CYP1A2: variants seen among roughly 807,000 people sequenced by gnomAD.
CYP1A2 encodes cytochrome P450 family 1 subfamily A member 2.
A neutral mutation model predicts 34.7 loss-of-function variants in CYP1A2; 35 were observed. That is an observed-to-expected ratio of 1.01 (90% CI 0.77 to 1.34). The LOEUF (loss-of-function observed/expected upper bound fraction) is 1.34, where lower values mean the gene tolerates loss of function less well. Ranked by LOEUF, CYP1A2 falls within the 40% of genes most tolerant of loss-of-function variation. The pLI is 0.00. For synonymous variants in CYP1A2, 288 were observed against 281.9 expected, an observed-to-expected ratio of 1.02 and a Z score of -0.22; for missense variants, 675 against 675.8, an observed-to-expected ratio of 1.00 and a Z score of 0.01.
Position 74,749,928 on chromosome 15 carries a change from G to C in CYP1A2, c.190G>C (p.Ala64Pro). 6.2e-7 allele frequency: 1 copy of C among 1,611,372 alleles called. No homozygotes were observed. The highest frequency in any genetic ancestry group is 8.5e-7 in the Non-Finnish European group (1 of 1,177,838). The change falls in exon 2 of 7, where the codon GCA becomes CCA. Residue 64 changes from alanine to proline, a missense_variant. By Grantham distance (27) the Ala-to-Pro change is conservative (BLOSUM62 -1). Coordinates refer to ENST00000343932, the MANE Select transcript of CYP1A2 (RefSeq NM_000761.5). ...GACCCTGGGGAAGAACCCGCACCTG[G>C]CACTGTCAAGGATGAGCCAGCGCTA... ...VLTLGKNPHL[A>P]LSRMSQRYGD...
chr15:74,751,320 G>C lies in CYP1A2; in HGVS notation c.952+11G>C, dbSNP rs1567205782. 2 of 1,613,776 alleles carry C rather than the reference G, an allele frequency of 1.2e-6. No homozygotes were observed. Among genetic ancestry groups the C allele is most frequent in the Non-Finnish European group, 8.5e-7 (1 of 1,179,850 alleles). On this transcript the variant is annotated intron_variant, in intron 3 of 6. Transcript: ENST00000343932. ...ACATCTTTGGAGCAGGTAGGAACCA[G>C]AACCTTGCCCCTCCATCCAACAATG...
chr15:74,751,799 C>G lies in CYP1A2; in HGVS notation c.987C>G (p.Ser329Arg). The G allele has an allele frequency of 1.2e-6, 2 of 1,614,178 alleles. No homozygotes were observed. The highest frequency in any genetic ancestry group is 1.7e-6 in the Non-Finnish European group (2 of 1,180,010). ...CAGTCACCACAGCCATCTCCTGGAG[C>G]CTCATGTACCTTGTGACCAAGCCTG... Reference protein sequence around the residue: ...FDTVTTAISWSLMYLVTKPEI... With the variant: ...FDTVTTAISWRLMYLVTKPEI... The change falls in exon 4 of 7, where the codon AGC becomes AGG. Residue 329 changes from serine (S) to arginine (R), a missense_variant. Coordinates refer to ENST00000343932, the MANE Select transcript of CYP1A2 (RefSeq NM_000761.5).
In CYP1A2 at chr15:74,749,755, C is replaced by A. The variant is rs764359866; in HGVS notation, c.17C>A (p.Ser6Tyr). 1.3e-6 allele frequency: 2 copies of A among 1,539,698 alleles called. No homozygotes were observed. The highest frequency in any genetic ancestry group is 1.8e-6 in the Non-Finnish European group (2 of 1,140,672). MALSQ[S>Y]VPFSATELLL... ...TTGGTACAGATGGCATTGTCCCAGTCTGTTCCCTTCTCGGCCACAGAGCTT... is the reference window on the plus strand; with the variant it reads ...TTGGTACAGATGGCATTGTCCCAGTATGTTCCCTTCTCGGCCACAGAGCTT... The change falls in exon 2 of 7, where the codon TCT becomes TAT. Residue 6 changes from serine to tyrosine, a missense_variant. By Grantham distance (144) the Ser-to-Tyr change is moderately radical. Transcript: ENST00000343932.
In CYP1A2 at chr15:74,751,817, C is replaced by T. The variant is rs1342113489; in HGVS notation, c.1005C>T (p.Thr335=). 6.2e-7 allele frequency: 1 copy of T among 1,614,078 alleles called. No individual in the cohort carries two copies. Among genetic ancestry groups the T allele is most frequent in the Non-Finnish European group, 8.5e-7 (1 of 1,180,022 alleles). Residue 335 remains threonine (T), a synonymous_variant, in exon 4 of 7, where the codon ACC becomes ACT. Coordinates refer to ENST00000343932, the MANE Select transcript of CYP1A2 (RefSeq NM_000761.5). ...CCTGGAGCCTCATGTACCTTGTGACCAAGCCTGAGATACAGAGGAAGATCC... is the reference window on the plus strand; with the variant it reads ...CCTGGAGCCTCATGTACCTTGTGACTAAGCCTGAGATACAGAGGAAGATCC... ...AISWSLMYLV[T]KPEIQRKIQK...
chr15:74,755,155 T>C lies in CYP1A2; in HGVS notation c.*67T>C, dbSNP rs2063332758. On this transcript the variant is annotated 3_prime_UTR_variant, in exon 7 of 7. Coordinates refer to ENST00000343932, the MANE Select transcript of CYP1A2 (RefSeq NM_000761.5). ...CAGCCACGGGGACTCAGCCCTTGTTTCTCTTCCTTTCTTTTTTTAAAAAAT... is the reference window on the plus strand; with the variant it reads ...CAGCCACGGGGACTCAGCCCTTGTTCCTCTTCCTTTCTTTTTTTAAAAAAT... The C allele has an allele frequency of 6.6e-7, 1 of 1,517,750 alleles. No homozygotes were observed. The highest frequency in any genetic ancestry group is 1.4e-5 in the African/African-American group (1 of 72,424). 94.0% of individuals were successfully genotyped at this position (1,517,750 alleles called of 1,614,324 possible).
At chr15:74,751,409 C>A (rs2063315142) in intron 3 of CYP1A2, 100 bp downstream of exon 3, 3 of 1,501,412 alleles carry the variant, frequency 2.0e-6, no homozygotes, top group African/African-American at 1.4e-5. Flanking sequence ...CAACCCTACA[C>A]CAGATGGTAC....
chr15:74,748,975 G>A (rs942524888), intron 1 of CYP1A2, 78 bp downstream of exon 1: 3 of 152,252 alleles, frequency 2.0e-5, no homozygotes, highest in Non-Finnish European at 4.4e-5. Flanking sequence ...ACAGAAAGAC[G>A]GGGAGCCTGG....
intron 2 of CYP1A2, 149 bp downstream of exon 2, chr15:74,750,718 G>T (rs966814318): frequency 3.0e-6 from 2 of 665,276 alleles, no homozygotes; most frequent in Admixed American, 2.9e-5. Context: ...ACCTGGAGCC[G>T]ACTCTTCCCC....
rs79624223 is a variant in CYP1A2 at position 74,755,133 on chromosome 15, C to G, written c.*45C>G. 2.5e-6 allele frequency: 4 copies of G among 1,572,876 alleles called. No individual in the cohort carries two copies. The East Asian group carries it at 6.8e-5, about 27-fold the overall frequency. On this transcript the variant is annotated 3_prime_UTR_variant, in exon 7 of 7. Coordinates refer to ENST00000343932, the MANE Select transcript of CYP1A2 (RefSeq NM_000761.5). ...AGGCCAGGGAGCGAGTGGGGGCCAG[C>G]CACGGGGACTCAGCCCTTGTTTCTC...
chr15:74,751,680 G>A, intron 3 of CYP1A2, 85 bp from the exon 4 acceptor site: 1 of 1,339,492 alleles, frequency 7.5e-7, no homozygotes, highest in Non-Finnish European at 1.1e-6. Flanking sequence ...GCTAATGCTG[G>A]ATACATACAT....
In CYP1A2 at chr15:74,755,004, C is replaced by T. The variant is rs1366279463; in HGVS notation, c.1467C>T (p.Val489=). The T allele has an allele frequency of 9.9e-6, 16 of 1,614,094 alleles. No homozygotes were observed. The highest frequency in any genetic ancestry group is 4.0e-5 in the African/African-American group (3 of 74,940). ...TCAGCGTGCCGCCGGGCGTGAAAGT[C>T]GACCTGACCCCCATCTACGGGCTGA... ...LEFSVPPGVK[V]DLTPIYGLTM... The change falls in exon 7 of 7, where the codon GTC becomes GTT. Residue 489 remains valine, a synonymous_variant. Transcript: ENST00000343932.
At chr15:74,751,054 C>T in intron 2 of CYP1A2, 135 bp from the exon 3 acceptor site, 1 of 1,232,124 alleles carries the variant, frequency 8.1e-7, no homozygotes, top group Non-Finnish European at 1.1e-6. Flanking sequence ...CTGCAAGCTG[C>T]AACCCCCTGC....
chr15:74,754,540 G>A (rs978602383), intron 6 of CYP1A2, among the ~76,000 whole-genome samples: 15 of 151,276 alleles, frequency 9.9e-5, no homozygotes, highest in Non-Finnish European at 2.2e-4. Flanking sequence ...CAGAGAGAGT[G>A]CAGTGAGCTG....
Position 74,755,367 on chromosome 15 carries a change from A to C in CYP1A2, c.*279A>C. On this transcript the variant is annotated 3_prime_UTR_variant, in exon 7 of 7. Coordinates refer to ENST00000343932, the MANE Select transcript of CYP1A2 (RefSeq NM_000761.5). ...CCCCATCTCAAAAAAAAAAACAAAC[A>C]AACAAAAAAAAAACCATATATATAC... 3.7e-6 allele frequency: 1 copy of C among 270,738 alleles called. No homozygotes were observed. The highest frequency in any genetic ancestry group is 6.5e-6 in the Non-Finnish European group (1 of 153,156). The allele number at this position is 270,738 out of a possible 1,614,324, so 16.8% of individuals were successfully genotyped here.
intron 5 of CYP1A2, 132 bp from the exon 6 acceptor site, chr15:74,753,052 G>A (rs889100809): frequency 9.6e-6 from 6 of 623,928 alleles, no homozygotes; most frequent in Non-Finnish European, 1.2e-5. Context: ...CCTCTTCCCT[G>A]TTCCTCCCCT....
In CYP1A2 at chr15:74,753,168, C is replaced by T. The variant is rs2063324217; in HGVS notation, c.1167-16C>T. On this transcript the variant is annotated splice_polypyrimidine_tract_variant and intron_variant, in intron 5 of 6. Coordinates refer to ENST00000343932, the MANE Select transcript of CYP1A2 (RefSeq NM_000761.5). ...TTTCCAGCCCTGAGCCTCACAGTGC[C>T]CTCTTCCCTCCTCAGCACAACAAGG... The T allele has an allele frequency of 6.2e-7, 1 of 1,610,198 alleles. No individual in the cohort carries two copies. The highest frequency in any genetic ancestry group is 1.1e-5 in the South Asian group (1 of 90,918).
At chr15:74,749,657 A>G in intron 1 of CYP1A2, 73 bp from the exon 2 acceptor site, 2 of 1,281,620 alleles carry the variant, frequency 1.6e-6, no homozygotes, top group Non-Finnish European at 2.2e-6. Context: ...GTGTTTATCA[A>G]ATGACTGAGG....
rs777740265 is a variant in CYP1A2 at position 74,751,866 on chromosome 15, C to G, written c.1042+12C>G. 5 of 1,611,940 alleles carry G rather than the reference C, an allele frequency of 3.1e-6. No homozygotes were observed. The highest frequency in any genetic ancestry group is 4.2e-6 in the Non-Finnish European group (5 of 1,179,136). On this transcript the variant is annotated intron_variant, in intron 4 of 6. Coordinates refer to ENST00000343932, the MANE Select transcript of CYP1A2 (RefSeq NM_000761.5). The stretch of plus-strand genomic sequence containing the variant: ...CCAGAAGGAGCTGGGTACATGGGGG[C>G]CCCCAACCCTATAGCCAGGAGAAGC...
intron 1 of CYP1A2, among the ~76,000 whole-genome samples, chr15:74,749,472 C>G (rs2063303624): frequency 6.6e-6 from 1 of 152,166 alleles, no homozygotes; most frequent in South Asian, 2.1e-4. Flanking sequence ...GAAGTGGAAA[C>G]TGAGATGATG....
Sources: gnomAD v4.1 joint callset for allele counts (sites outside exome capture counted in the v4.1 genomes callset) on GRCh38, gnomAD v4.1.1 for gene constraint, MANE v1.5 for transcripts, NCBI Gene and HGNC (gene_info 2026-07-23, HGNC 2026-07-21) for gene names.